The following PLCG2 variants were observed in gnomAD, a reference collection of about 807,000 sequenced individuals.
PLCG2 encodes phospholipase C gamma 2.
PLCG2 carries 69 observed loss-of-function variants against 175.6 expected under a neutral mutation model. The ratio of observed to expected loss-of-function variants is 0.39; its 90% CI spans 0.32 to 0.48. The LOEUF (loss-of-function observed/expected upper bound fraction) is 0.48, where lower values mean the gene tolerates loss of function less well. Ranked by LOEUF, PLCG2 falls within the 20% of genes least tolerant of loss-of-function variation. The pLI, the probability that PLCG2 is intolerant of heterozygous loss-of-function variation, is 0.91. For missense variants in PLCG2, 1,798 were observed against 1,650.9 expected, an observed-to-expected ratio of 1.09 and a Z score of -1.54; for synonymous variants, 827 against 624.0, an observed-to-expected ratio of 1.33 and a Z score of -4.85.
intron 12 of PLCG2, among the ~76,000 whole-genome samples, 184 bp downstream of exon 12, chr16:81,893,978 TGAGACG>T (rs1318362317): frequency 1.3e-5 from 2 of 150,200 alleles, no homozygotes; most frequent in African/African-American, 2.5e-5. Flanking sequence ...TTTTTTTTTT[TGAGACG>T]GAGTCCCTGT....
chr16:81,891,022 G>T (rs1314808370), intron 10 of PLCG2, among the ~76,000 whole-genome samples: 1 of 152,068 alleles, frequency 6.6e-6, no homozygotes, highest in Non-Finnish European at 1.5e-5. Flanking sequence ...AATTAGCCTG[G>T]TGTGGTGGTG....
At chr16:81,911,157 A>G (rs1365573293) in intron 18 of PLCG2, among the ~76,000 whole-genome samples, 1 of 152,184 alleles carries the variant, frequency 6.6e-6, no homozygotes, top group African/African-American at 2.4e-5. Flanking sequence ...AATTCTGGGA[A>G]TAAAGAAAAA....
chr16:81,801,186 C>G (rs1911702654), intron 2 of PLCG2, among the ~76,000 whole-genome samples: 2 of 152,190 alleles, frequency 1.3e-5, no homozygotes, highest in Non-Finnish European at 2.9e-5. Context: ...TAACCCCCAA[C>G]CCCGCAACCA....
intron 14 of PLCG2, among the ~76,000 whole-genome samples, chr16:81,902,934 C>T: frequency 6.6e-6 from 1 of 152,168 alleles, no homozygotes; most frequent in East Asian, 1.9e-4. Flanking sequence ...TGTTCACTAT[C>T]ACAAGAACAG....
At chr16:81,862,759 T>C (rs957538577) in intron 5 of PLCG2, among the ~76,000 whole-genome samples, 1 of 151,990 alleles carries the variant, frequency 6.6e-6, no homozygotes, top group Non-Finnish European at 1.5e-5. Flanking sequence ...GTAGTCCTGC[T>C]ACTTGAGAGG....
At chr16:81,880,360 T>C (rs567280582) in intron 7 of PLCG2, among the ~76,000 whole-genome samples, 3 of 152,350 alleles carry the variant, frequency 2.0e-5, no homozygotes, top group African/African-American at 7.2e-5. Context: ...TACAATGTGC[T>C]GTGTCTACGC....
intron 9 of PLCG2, among the ~76,000 whole-genome samples, chr16:81,884,024 T>A (rs921694585): frequency 6.6e-6 from 1 of 152,140 alleles, no homozygotes; most frequent in Non-Finnish European, 1.5e-5. Context: ...ATATCCTACA[T>A]TGCACAGGGC....
At chr16:81,802,364 G>C (rs1270877605) in intron 2 of PLCG2, among the ~76,000 whole-genome samples, 2 of 149,698 alleles carry the variant, frequency 1.3e-5, no homozygotes, top group Non-Finnish European at 3.0e-5. Context: ...CACCCGCCTC[G>C]GCCTCCCAAA....
At chr16:81,883,579 A>G in intron 9 of PLCG2, 1 of 557,808 alleles carries the variant, frequency 1.8e-6, no homozygotes, top group South Asian at 2.0e-5. Context: ...GCCTCTTTTG[A>G]AGGCACACAT....
chr16:81,763,946 G>A (rs569649656), intron 2 of PLCG2, among the ~76,000 whole-genome samples: 23 of 152,058 alleles, frequency 1.5e-4, no homozygotes, highest in African/African-American at 5.1e-4. Context: ...CAGCCTGGGC[G>A]ACAGAGAGAC....
At chr16:81,774,994 C>T (rs1910368393), upstream of PLCG2, among the ~76,000 whole-genome samples, 2 of 152,280 alleles carry the variant, frequency 1.3e-5, no homozygotes, top group Non-Finnish European at 2.9e-5. Context: ...GGTCCACCCT[C>T]CTTAGCCTCC....
intron 2 of PLCG2, among the ~76,000 whole-genome samples, chr16:81,788,794 C>G (rs992294035): frequency 6.6e-6 from 1 of 152,208 alleles, no homozygotes; most frequent in African/African-American, 2.4e-5. Flanking sequence ...TGGAACTGCC[C>G]ATGTGGAGGT....
At chr16:81,905,939 C>A (rs532627278) in intron 15 of PLCG2, among the ~76,000 whole-genome samples, 1 of 152,140 alleles carries the variant, frequency 6.6e-6, no homozygotes, top group Non-Finnish European at 1.5e-5. Context: ...AGATTATAGG[C>A]GTAAGCTTCT....
At chr16:81,748,394 TTAAAAAA>T (rs888180587) in intron 1 of PLCG2, among the ~76,000 whole-genome samples, 1 of 150,322 alleles carries the variant, frequency 6.7e-6, no homozygotes, top group Admixed American at 6.6e-5. Context: ...TGTCTCAAAC[TTAAAAAA>T]TTAAAAAAAA....
intron 2 of PLCG2, among the ~76,000 whole-genome samples, chr16:81,840,505 C>G (rs950646432): frequency 1.3e-5 from 2 of 152,134 alleles, no homozygotes; most frequent in Non-Finnish European, 2.9e-5. Flanking sequence ...GAGACCTGAG[C>G]TTGTTTTCCT....
Position 81,939,972 on chromosome 16 carries a change from C to T in PLCG2, c.3394C>T (p.Leu1132=). 6.2e-7 allele frequency: 1 copy of T among 1,614,006 alleles called. No homozygotes were observed. The highest frequency in any genetic ancestry group is 2.2e-5 in the East Asian group (1 of 44,888). Reference sequence around the variant, plus strand: ...AATTTATGACCCAAACCTGGCATTTCTGCGCTTTGTGGTTTATGAAGAAGA... The same window carrying T: ...AATTTATGACCCAAACCTGGCATTTTTGCGCTTTGTGGTTTATGAAGAAGA... ...FEIYDPNLAF[L]RFVVYEEDMF... is the part of the protein sequence containing the mutation. The change falls in exon 30 of 33, where the codon CTG becomes TTG. Residue 1132 remains leucine (L), a synonymous_variant. Coordinates refer to ENST00000564138, the MANE Select transcript of PLCG2 (RefSeq NM_002661.5).
chr16:81,900,412 G>C (rs770837896), intron 13 of PLCG2, among the ~76,000 whole-genome samples, 200 bp from the exon 14 acceptor site: 2 of 152,236 alleles, frequency 1.3e-5, no homozygotes, highest in African/African-American at 4.8e-5. Context: ...GAATCAGATC[G>C]CAGCTGTTCT....
intron 2 of PLCG2, among the ~76,000 whole-genome samples, chr16:81,786,592 C>T (rs1198856430): frequency 2.0e-5 from 3 of 152,170 alleles, no homozygotes; most frequent in Admixed American, 1.3e-4. Flanking sequence ...TGTTTTACTG[C>T]ATACCATAGC....
chr16:81,913,216 G>A (rs977826822), intron 19 of PLCG2, among the ~76,000 whole-genome samples: 3 of 152,178 alleles, frequency 2.0e-5, no homozygotes, highest in African/African-American at 7.2e-5. Flanking sequence ...CTAATGACAA[G>A]GAGCCGAGGA....
Sources: allele counts gnomAD v4.1 joint callset (sites outside exome capture counted in the v4.1 genomes callset), GRCh38; gene constraint gnomAD v4.1.1; transcripts MANE v1.5; gene names NCBI Gene and HGNC (gene_info 2026-07-23, HGNC 2026-07-21).